TSLP: variants seen among roughly 807,000 people sequenced by gnomAD.
The protein encoded by TSLP is thymic stromal lymphopoietin, also known as thymic stroma-derived lymphopoietin.
In TSLP, 12 loss-of-function variants were observed where a neutral mutation model predicts 12.4. The observed-to-expected ratio is 0.97, with a 90% confidence interval of 0.62 to 1.57. The LOEUF is 1.57. Ranked by LOEUF, TSLP falls within the 40% of genes most tolerant of loss-of-function variation. The pLI, the probability that TSLP is intolerant of heterozygous loss-of-function variation, is 0.00. For missense variants in TSLP, 222 were observed against 189.6 expected, an observed-to-expected ratio of 1.17 and a Z score of -1.00; for synonymous variants, 97 against 69.5, an observed-to-expected ratio of 1.40 and a Z score of -1.97.
At chr5:111,072,993 G>A in intron 2 of TSLP, 61 bp downstream of exon 2, 4 of 1,585,568 alleles carry the variant, frequency 2.5e-6, no homozygotes, top group Non-Finnish European at 3.5e-6. Flanking sequence ...TTTTGGAGAG[G>A]GAGTATCCTG....
At chr5:111,075,132 T>C (rs370840337) in intron 3 of TSLP, among the ~76,000 whole-genome samples, 5 of 152,286 alleles carry the variant, frequency 3.3e-5, no homozygotes, top group Non-Finnish European at 7.4e-5. Context: ...TTGGACAGCA[T>C]GTGAGAAAGG....
At position 111,073,627 on chromosome 5, in the gene TSLP, A is replaced by G. The variant is rs1271261469; in HGVS notation, c.333A>G (p.Pro111=). The G allele has an allele frequency of 6.2e-7, 1 of 1,614,120 alleles. No individual in the cohort carries two copies. The highest frequency in any genetic ancestry group is 2.2e-5 in the East Asian group (1 of 44,900). Reference sequence around the variant, plus strand: ...AGGCTGCCTTAGCTATCTGGTGCCCAGGCTATTCGGAAACTCAGGTAAGCC... The same window carrying G: ...AGGCTGCCTTAGCTATCTGGTGCCCGGGCTATTCGGAAACTCAGGTAAGCC... ...KTKAALAIWC[P]GYSETQINAT... Residue 111 remains proline (P), a synonymous_variant, in exon 3 of 4, where the codon CCA becomes CCG. Transcript: ENST00000344895.
intron 1 of TSLP, 58 bp downstream of exon 1, chr5:111,072,119 C>G: frequency 7.1e-7 from 1 of 1,399,606 alleles, no homozygotes; most frequent in Non-Finnish European, 9.8e-7. Context: ...TCGGCATACA[C>G]ACACTCTACA....
chr5:111,074,087 G>C (rs1752423917), intron 3 of TSLP, among the ~76,000 whole-genome samples: 1 of 152,128 alleles, frequency 6.6e-6, no homozygotes, highest in African/African-American at 2.4e-5. Flanking sequence ...CTTAATTATT[G>C]TGTGCTTATT....
rs1234411558 is a variant in TSLP at position 111,077,716 on chromosome 5, C to T, written c.*1642C>T. The T allele has an allele frequency of 6.6e-6, 1 of 152,510 alleles. No homozygotes were observed. Among genetic ancestry groups the T allele is most frequent in the Non-Finnish European group, 1.5e-5 (1 of 68,010 alleles). The allele number at this position is 152,510 out of a possible 1,614,324, so 9.4% of individuals were successfully genotyped here. A position where few individuals can be genotyped will look rare whatever the true frequency, so the allele number is the denominator to read the frequency against. On this transcript the variant is annotated 3_prime_UTR_variant, in exon 4 of 4. Coordinates refer to ENST00000344895, the MANE Select transcript of TSLP (RefSeq NM_033035.5). The stretch of plus-strand genomic sequence containing the variant: ...AGAAAGGAGACAACTCAAAGTCATC[C>T]CATTAAGTGCAGTTTCTTTGAATCT...
rs775422414 is a variant in TSLP, at chr5:111,077,022, T to C, written c.*948T>C. The C allele has an allele frequency of 5.3e-5, 8 of 152,292 alleles. No homozygotes were observed. The East Asian group carries it at 1.4e-3, about 26-fold the overall frequency. 9.4% of individuals were successfully genotyped at this position (152,292 alleles called of 1,614,324 possible). A position where few individuals can be genotyped will look rare whatever the true frequency, so the allele number is the denominator to read the frequency against. ...ATTATGTCACTAGTCTTTTATTTTT[T>C]CCCCTCTTGAACTTTCCTCACACCT... On this transcript the variant is annotated 3_prime_UTR_variant, in exon 4 of 4. Coordinates refer to ENST00000344895, the MANE Select transcript of TSLP (RefSeq NM_033035.5).
Position 111,071,832 on chromosome 5 carries a change from C to G in TSLP, c.-59C>G. ...CCCCTAAGGCAGGCCTTACAGATCT[C>G]TTACACTCGTGGTGGGAAGAGTTTA... On this transcript the variant is annotated 5_prime_UTR_variant, in exon 1 of 4. Transcript: ENST00000344895. 1 of 1,582,174 alleles carries G rather than the reference C, an allele frequency of 6.3e-7. No homozygotes were observed. The highest frequency in any genetic ancestry group is 8.6e-7 in the Non-Finnish European group (1 of 1,159,858).
intron 1 of TSLP, 92 bp from the exon 2 acceptor site, chr5:111,072,796 C>T: frequency 7.5e-7 from 1 of 1,336,850 alleles, no homozygotes; most frequent in Non-Finnish European, 1.1e-6. Flanking sequence ...TTTCAGGGCA[C>T]CTTTAAAGCC....
Position 111,073,633 on chromosome 5 carries a change from T to C in TSLP, c.339T>C (p.Tyr113=). Reference sequence around the variant, plus strand: ...CCTTAGCTATCTGGTGCCCAGGCTATTCGGAAACTCAGGTAAGCCCGAAGC... The same window carrying C: ...CCTTAGCTATCTGGTGCCCAGGCTACTCGGAAACTCAGGTAAGCCCGAAGC... ...KAALAIWCPG[Y]SETQINATQA... Residue 113 remains tyrosine (Y), a synonymous_variant, in exon 3 of 4, where the codon TAT becomes TAC. Coordinates refer to ENST00000344895, the MANE Select transcript of TSLP (RefSeq NM_033035.5). 7 of 1,614,200 alleles carry C rather than the reference T, an allele frequency of 4.3e-6. No individual in the cohort carries two copies. The highest frequency in any genetic ancestry group is 2.2e-5 in the South Asian group (2 of 91,084).
Position 111,072,046 on chromosome 5 carries a change from T to A in TSLP, c.156T>A (p.Ile52=), listed in dbSNP as rs1752352861. The stretch of plus-strand genomic sequence containing the variant: ...TCAGTACTATTTCTAAAGACCTGAT[T>A]ACATATATGAGTGGGGTAAGTGAAG... ...AYLSTISKDL[I]TYMSGTKSTE... The change falls in exon 1 of 4, where the codon ATT becomes ATA. Residue 52 remains isoleucine (I), a synonymous_variant. Transcript: ENST00000344895. 6.2e-7 allele frequency: 1 copy of A among 1,612,596 alleles called. No homozygotes were observed. Among genetic ancestry groups the A allele is most frequent in the African/African-American group, 1.3e-5 (1 of 74,922 alleles).
rs778593119 is a variant in TSLP at position 111,073,498 on chromosome 5, C to T, written c.217-13C>T. 2 of 1,613,560 alleles carry T rather than the reference C, an allele frequency of 1.2e-6. No homozygotes were observed. The highest frequency in any genetic ancestry group is 1.7e-6 in the Non-Finnish European group (2 of 1,179,850). On this transcript the variant is annotated splice_polypyrimidine_tract_variant and intron_variant, in intron 2 of 3. Transcript: ENST00000344895. ...TTTCTCCTTTTCTCGTAAACTTTGC[C>T]GCCTATGAGCAGCCACATTGCCTTA...
upstream of TSLP, chr5:111,071,589 T>G: frequency 6.7e-7 from 1 of 1,496,768 alleles, no homozygotes; most frequent in Non-Finnish European, 8.9e-7. Flanking sequence ...TTTTTTTTCC[T>G]TTCACATCAT....
intron 3 of TSLP, among the ~76,000 whole-genome samples, chr5:111,074,497 G>A (rs1258447301): frequency 6.6e-6 from 1 of 152,162 alleles, no homozygotes; most frequent in Non-Finnish European, 1.5e-5. Context: ...CAGTCAGCAA[G>A]TAGAGGATTT....
chr5:111,071,782 G>A lies in TSLP; in HGVS notation c.-109G>A, dbSNP rs1192307200. The A allele has an allele frequency of 9.2e-6, 13 of 1,409,968 alleles. No individual in the cohort carries two copies. In the Admixed American group the frequency reaches 1.7e-4, roughly 18 times the overall value. The allele number at this position is 1,409,968 out of a possible 1,614,324, so 87.3% of individuals were successfully genotyped here. On this transcript the variant is annotated 5_prime_UTR_variant, in exon 1 of 4. Transcript: ENST00000344895. ...GCTTCCTGTGGACTGGCAATGAGAGGCAAAACCTGGTGCTTGAGCACTGGC... is the reference window on the plus strand; with the variant it reads ...GCTTCCTGTGGACTGGCAATGAGAGACAAAACCTGGTGCTTGAGCACTGGC...
rs186174033 is a variant in TSLP at position 111,077,635 on chromosome 5, C to T, written c.*1561C>T. The T allele has an allele frequency of 9.2e-4, 140 of 152,740 alleles. 1 individual carries two copies. The highest frequency in any genetic ancestry group is 1.5e-3 in the Non-Finnish European group (103 of 68,032). 9.5% of individuals were successfully genotyped at this position (152,740 alleles called of 1,614,324 possible). On this transcript the variant is annotated 3_prime_UTR_variant, in exon 4 of 4. Coordinates refer to ENST00000344895, the MANE Select transcript of TSLP (RefSeq NM_033035.5). The stretch of plus-strand genomic sequence containing the variant: ...TTACTGAACTATGAAAATAAATACA[C>T]ATAATTTTTCACAAAATTTTGGGCC...
intron 1 of TSLP, among the ~76,000 whole-genome samples, chr5:111,072,460 G>A (rs1016936592): frequency 5.0e-4 from 76 of 152,170 alleles, no homozygotes; most frequent in African/African-American, 1.8e-3. Flanking sequence ...TGTTTTAGAT[G>A]TTTCAGGATG....
chr5:111,073,305 C>G (rs1752394836), intron 2 of TSLP: 6 of 1,422,776 alleles, frequency 4.2e-6, no homozygotes, highest in Non-Finnish European at 5.5e-6. Context: ...GCGACGAGTG[C>G]CCTCCGCCAC....
At chr5:111,071,628 T>A, upstream of TSLP, 1 of 1,460,830 alleles carries the variant, frequency 6.8e-7, no homozygotes, top group Non-Finnish European at 9.1e-7. Flanking sequence ...AGGAAGAGAA[T>A]GACATGGTAG....
At chr5:111,073,403 C>T in intron 2 of TSLP, 108 bp from the exon 3 acceptor site, 6 of 1,560,934 alleles carry the variant, frequency 3.8e-6, no homozygotes, top group Non-Finnish European at 5.2e-6. Context: ...ACTTGTGTTC[C>T]CCGCTCCTCC....
Sources: gnomAD v4.1 joint callset for allele counts (sites outside exome capture counted in the v4.1 genomes callset) on GRCh38, gnomAD v4.1.1 for gene constraint, MANE v1.5 for transcripts, NCBI Gene and HGNC (gene_info 2026-07-23, HGNC 2026-07-21) for gene names.